Variants in PBX3 observed in about 807,000 individuals in gnomAD.
PBX3 encodes the protein PBX homeobox 3.
Under a neutral mutation model 48.5 loss-of-function variants are expected in PBX3, and 14 were observed. That is an observed-to-expected ratio of 0.29 (90% confidence interval 0.19 to 0.45). The LOEUF (loss-of-function observed/expected upper bound fraction) is 0.45, where lower values mean the gene tolerates loss of function less well. Among genes scored for constraint, PBX3 ranks in the 20% least tolerant of loss-of-function variants. The probability of loss-of-function intolerance (pLI) is 1.00; values close to 1 mark genes in which losing one functional copy is unlikely to be tolerated. For missense variants in PBX3, 386 were observed against 546.7 expected, an observed-to-expected ratio of 0.71 and a Z score of 2.93; for synonymous variants, 210 against 200.3, an observed-to-expected ratio of 1.05 and a Z score of -0.41.
chr9:125,865,557 G>T (rs1020756664), intron 2 of PBX3, among the ~76,000 whole-genome samples: 5 of 152,134 alleles, frequency 3.3e-5, no homozygotes, highest in African/African-American at 1.2e-4. Flanking sequence ...CAGTAATCTG[G>T]ATGTTTCTGG....
intron 2 of PBX3, among the ~76,000 whole-genome samples, chr9:125,857,967 T>C (rs890347677): frequency 6.6e-6 from 1 of 152,236 alleles, no homozygotes; most frequent in African/African-American, 2.4e-5. Context: ...GGAGTAAGGC[T>C]GCCCTTAGCT....
intron 2 of PBX3, among the ~76,000 whole-genome samples, chr9:125,888,047 AATAG>A (rs1275601119): frequency 1.3e-5 from 2 of 152,172 alleles, no homozygotes; most frequent in East Asian, 1.9e-4. Context: ...TGATAAGTGT[AATAG>A]ATAGACTTCT....
chr9:125,872,256 A>C (rs1378950562), intron 2 of PBX3, among the ~76,000 whole-genome samples: 2 of 152,234 alleles, frequency 1.3e-5, no homozygotes, highest in South Asian at 2.1e-4. Context: ...ACCACAGCAC[A>C]TGTTAAAGGA....
chr9:125,905,252 T>G (rs1031457943), intron 2 of PBX3, among the ~76,000 whole-genome samples: 3 of 152,016 alleles, frequency 2.0e-5, no homozygotes, highest in Non-Finnish European at 4.4e-5. Context: ...CCTAATTAAT[T>G]GTTTATCTGC....
rs1040362126 is a variant in PBX3 at position 125,899,345 on chromosome 9, A to G, written c.275-16341A>G. 3.2e-4 allele frequency among the ~76,000 whole-genome samples: 32 copies of G among 99,908 alleles called. 3 individuals are homozygous for G. In the South Asian group the frequency reaches 7.8e-3, roughly 24 times the overall value. 65.5% of individuals were successfully genotyped at this position (99,908 alleles called of 152,430 possible). On this transcript the variant is annotated intron_variant, in intron 2 of 8. Transcript: ENST00000373489. Reference sequence around the variant, plus strand: ...TTTATATAAATATATACATATATGTATATATTTTTATATAAATATATACAT... The same window carrying G: ...TTTATATAAATATATACATATATGTGTATATTTTTATATAAATATATACAT...
intron 2 of PBX3, among the ~76,000 whole-genome samples, chr9:125,806,127 G>GA (rs756436307): frequency 3.3e-5 from 5 of 152,156 alleles, no homozygotes; most frequent in Admixed American, 1.3e-4. Context: ...CCTTACTTGA[G>GA]AAGATGACTT....
intron 2 of PBX3, among the ~76,000 whole-genome samples, chr9:125,787,747 TGAG>T (rs1171373916): frequency 6.6e-6 from 1 of 152,090 alleles, no homozygotes. Context: ...TTAATTAAAT[TGAG>T]GAATAAATAG....
intron 2 of PBX3, among the ~76,000 whole-genome samples, chr9:125,794,533 G>A (rs547259379): frequency 2.6e-5 from 4 of 151,996 alleles, no homozygotes; most frequent in Non-Finnish European, 4.4e-5. Context: ...GGTACCATGA[G>A]AAGTTAATTG....
intron 5 of PBX3, among the ~76,000 whole-genome samples, chr9:125,940,240 A>G (rs1179913039): frequency 6.6e-6 from 1 of 152,184 alleles, no homozygotes; most frequent in Non-Finnish European, 1.5e-5. Context: ...AGGAACAATC[A>G]AGGAGTTTCA....
chr9:125,845,550 T>C (rs1246676058), intron 2 of PBX3, among the ~76,000 whole-genome samples: 1 of 152,098 alleles, frequency 6.6e-6, no homozygotes, highest in African/African-American at 2.4e-5. Context: ...GTTTTATCAA[T>C]ATTCCCTGCC....
At chr9:125,756,413 G>A (rs1310456726) in intron 2 of PBX3, among the ~76,000 whole-genome samples, 1 of 152,160 alleles carries the variant, frequency 6.6e-6, no homozygotes, top group Non-Finnish European at 1.5e-5. Flanking sequence ...GACCTTCTGT[G>A]CCTACAAGAA....
At chr9:125,836,739 T>G (rs1839147705) in intron 2 of PBX3, among the ~76,000 whole-genome samples, 1 of 152,240 alleles carries the variant, frequency 6.6e-6, no homozygotes, top group Non-Finnish European at 1.5e-5. Context: ...TTATTACACA[T>G]TTTATGCTTG....
intron 5 of PBX3, among the ~76,000 whole-genome samples, chr9:125,949,620 T>C (rs1410424956): frequency 6.6e-6 from 1 of 152,208 alleles, no homozygotes; most frequent in Non-Finnish European, 1.5e-5. Flanking sequence ...TACTATGCTT[T>C]TTGAGGATAG....
At chr9:125,899,450 T>TAGAGAGAG (rs1345619408) in intron 2 of PBX3, among the ~76,000 whole-genome samples, 8 of 79,328 alleles carry the variant, frequency 1.0e-4, no homozygotes, top group Non-Finnish European at 1.2e-4. Context: ...TGTATATATA[T>TAGAGAGAG]ATATAGAGAG....
intron 2 of PBX3, among the ~76,000 whole-genome samples, chr9:125,893,249 A>G (rs1257555630): frequency 6.6e-6 from 1 of 152,248 alleles, no homozygotes; most frequent in Non-Finnish European, 1.5e-5. Flanking sequence ...ATGATGTCCT[A>G]CATAAGAATA....
intron 2 of PBX3, among the ~76,000 whole-genome samples, chr9:125,886,353 G>A (rs950405605): frequency 6.6e-6 from 1 of 152,068 alleles, no homozygotes; most frequent in Non-Finnish European, 1.5e-5. Flanking sequence ...ACAGTTAAGA[G>A]ATTTTTATCA....
chr9:125,855,229 G>C lies in PBX3; in HGVS notation c.275-60457G>C, dbSNP rs117233933. ...AATCAACTTCAGTTTCATTTTAGTT[G>C]AGAATCAGTCCAAGAATGAATAACT... On this transcript the variant is annotated intron_variant, in intron 2 of 8. Coordinates refer to ENST00000373489, the MANE Select transcript of PBX3 (RefSeq NM_006195.6). Among the ~76,000 whole-genome samples the C allele has an allele frequency of 2.6e-3, 397 of 152,232 alleles. 1 individual carries two copies. The highest frequency in any genetic ancestry group is 4.5e-3 in the Non-Finnish European group (309 of 68,004).
intron 4 of PBX3, among the ~76,000 whole-genome samples, chr9:125,935,017 G>A (rs939924556): frequency 5.9e-5 from 9 of 152,108 alleles, no homozygotes; most frequent in Non-Finnish European, 1.3e-4. Context: ...GCTCCACTGA[G>A]CTTCTGTAAT....
At chr9:125,864,174 A>G (rs1839926963) in intron 2 of PBX3, among the ~76,000 whole-genome samples, 1 of 152,250 alleles carries the variant, frequency 6.6e-6, no homozygotes, top group South Asian at 2.1e-4. Flanking sequence ...GTAATATAAT[A>G]GGCAGCATTT....
Sources: gnomAD v4.1 joint callset for allele counts (sites outside exome capture counted in the v4.1 genomes callset) on GRCh38, gnomAD v4.1.1 for gene constraint, MANE v1.5 for transcripts, NCBI Gene and HGNC (gene_info 2026-07-23, HGNC 2026-07-21) for gene names.